Variants in NDUFAF2 observed in about 807,000 individuals in gnomAD.
NDUFAF2 encodes the protein NADH:ubiquinone oxidoreductase complex assembly factor 2, also known as NADH dehydrogenase [ubiquinone] 1 alpha subcomplex assembly factor 2.
A neutral mutation model predicts 22.8 loss-of-function variants in NDUFAF2; 13 were observed. The observed-to-expected ratio is 0.57, with a 90% confidence interval of 0.37 to 0.91. NDUFAF2 has a LOEUF of 0.91. Ranked by LOEUF, NDUFAF2 falls within the 40% of genes least tolerant of loss-of-function variation. The probability of loss-of-function intolerance (pLI) is 0.01; values close to 1 mark genes in which losing one functional copy is unlikely to be tolerated. For missense variants in NDUFAF2, 162 were observed against 195.2 expected, an observed-to-expected ratio of 0.83 and a Z score of 1.01; for synonymous variants, 53 against 64.2, an observed-to-expected ratio of 0.83 and a Z score of 0.84.
At chr5:61,102,797 AAAAG>A (rs1752718891) in intron 3 of NDUFAF2, among the ~76,000 whole-genome samples, 2 of 150,482 alleles carry the variant, frequency 1.3e-5, no homozygotes, top group African/African-American at 4.8e-5. Flanking sequence ...AGTGTTATAA[AAAAG>A]AAGCTAACAA....
intron 1 of NDUFAF2, among the ~76,000 whole-genome samples, chr5:60,983,433 T>G (rs1432940161): frequency 1.5e-5 from 2 of 130,036 alleles, no homozygotes; most frequent in African/African-American, 5.7e-5. Flanking sequence ...TTTTGGCTTT[T>G]GTTGCCATTG....
chr5:61,022,297 C>A (rs866057515), intron 1 of NDUFAF2, among the ~76,000 whole-genome samples: 1 of 152,262 alleles, frequency 6.6e-6, no homozygotes, highest in African/African-American at 2.4e-5. Context: ...TTTCTCGTAA[C>A]ATATTCTTGC....
intron 1 of NDUFAF2, among the ~76,000 whole-genome samples, chr5:60,994,106 G>A (rs939709498): frequency 6.6e-6 from 1 of 152,222 alleles, no homozygotes; most frequent in Non-Finnish European, 1.5e-5. Flanking sequence ...GGCTGAGGTG[G>A]CGGGGGCTGG....
chr5:61,034,220 T>G (rs141240413), intron 1 of NDUFAF2, among the ~76,000 whole-genome samples: 1 of 152,306 alleles, frequency 6.6e-6, no homozygotes, highest in Non-Finnish European at 1.5e-5. Flanking sequence ...GCAATCTTGA[T>G]GAGCAGGAGA....
At chr5:61,121,217 A>G (rs976328339) in intron 3 of NDUFAF2, among the ~76,000 whole-genome samples, 2 of 152,166 alleles carry the variant, frequency 1.3e-5, no homozygotes, top group African/African-American at 2.4e-5. Flanking sequence ...TATTTTTCTT[A>G]TATACACATG....
At chr5:61,121,291 C>T (rs77691613) in intron 3 of NDUFAF2, among the ~76,000 whole-genome samples, 12,390 of 152,090 alleles carry the variant, frequency 0.081, 549 homozygotes, top group Middle Eastern at 0.092. Flanking sequence ...TCTGGTGTCA[C>T]CATGATACAT....
chr5:61,051,440 T>G (rs1387272582), intron 1 of NDUFAF2, among the ~76,000 whole-genome samples: 1 of 152,208 alleles, frequency 6.6e-6, no homozygotes, highest in African/African-American at 2.4e-5. Context: ...TGCTGAGAAT[T>G]GTATATAGCA....
chr5:61,105,901 G>A (rs1752757316), intron 3 of NDUFAF2, among the ~76,000 whole-genome samples: 1 of 151,404 alleles, frequency 6.6e-6, no homozygotes, highest in Non-Finnish European at 1.5e-5. Context: ...GTGAAACTGA[G>A]AAGAATGAAT....
chr5:61,026,253 G>A (rs1405529288), intron 1 of NDUFAF2, among the ~76,000 whole-genome samples: 3 of 151,924 alleles, frequency 2.0e-5, no homozygotes, highest in African/African-American at 7.3e-5. Context: ...CAGGGGAGGA[G>A]GGGGGAGAAA....
intron 3 of NDUFAF2, among the ~76,000 whole-genome samples, chr5:61,129,031 A>G (rs547950986): frequency 6.6e-6 from 1 of 152,234 alleles, no homozygotes; most frequent in Non-Finnish European, 1.5e-5. Context: ...TGCAGCCAAC[A>G]GACACATGAA....
chr5:61,092,032 T>A (rs1276080848), intron 2 of NDUFAF2, among the ~76,000 whole-genome samples: 27 of 152,190 alleles, frequency 1.8e-4, no homozygotes, highest in Admixed American at 1.8e-3. Context: ...GGACTCTCTA[T>A]TCTGTTTCAT....
intron 3 of NDUFAF2, among the ~76,000 whole-genome samples, chr5:61,109,267 A>G (rs1363205440): frequency 6.6e-6 from 1 of 152,212 alleles, no homozygotes; most frequent in Admixed American, 6.6e-5. Context: ...CTGGTGGCAT[A>G]TAGAAATGCT....
chr5:60,984,531 G>A (rs1293459641), intron 1 of NDUFAF2, among the ~76,000 whole-genome samples: 1 of 152,074 alleles, frequency 6.6e-6, no homozygotes, highest in African/African-American at 2.4e-5. Flanking sequence ...ATTGGCTGTG[G>A]GTGTGTCATA....
At chr5:61,003,816 C>T (rs564906141) in intron 1 of NDUFAF2, among the ~76,000 whole-genome samples, 8 of 151,640 alleles carry the variant, frequency 5.3e-5, no homozygotes, top group Admixed American at 1.3e-4. Context: ...TGCCACCATG[C>T]CTGGCTATTT....
intron 1 of NDUFAF2, among the ~76,000 whole-genome samples, chr5:60,987,979 C>G (rs2112583448): frequency 6.6e-6 from 1 of 152,268 alleles, no homozygotes; most frequent in Middle Eastern, 3.4e-3. Flanking sequence ...AAGAGGAAGT[C>G]AGACTATCCG....
At chr5:61,068,150 C>T (rs976784342) in intron 1 of NDUFAF2, among the ~76,000 whole-genome samples, 17 of 151,994 alleles carry the variant, frequency 1.1e-4, no homozygotes, top group African/African-American at 4.1e-4. Flanking sequence ...TTCTTCCTCC[C>T]GGATCTTGAA....
chr5:61,045,428 T>C (rs771724115), intron 1 of NDUFAF2, among the ~76,000 whole-genome samples: 1 of 151,478 alleles, frequency 6.6e-6, no homozygotes, highest in Non-Finnish European at 1.5e-5. Flanking sequence ...AATTTATTCC[T>C]AAGTATTTTT....
At chr5:61,008,683 C>G (rs994265675) in intron 1 of NDUFAF2, among the ~76,000 whole-genome samples, 2 of 151,984 alleles carry the variant, frequency 1.3e-5, no homozygotes, top group Admixed American at 6.6e-5. Flanking sequence ...TTTCATCAAC[C>G]ATTTGTGGCA....
intron 3 of NDUFAF2, among the ~76,000 whole-genome samples, chr5:61,148,652 A>C (rs1414933946): frequency 6.6e-6 from 1 of 152,236 alleles, no homozygotes; most frequent in Non-Finnish European, 1.5e-5. Flanking sequence ...AATAATATTC[A>C]TAGAGTCACA....
Sources: gnomAD v4.1 joint callset for allele counts (sites outside exome capture counted in the v4.1 genomes callset) on GRCh38, gnomAD v4.1.1 for gene constraint, MANE v1.5 for transcripts, NCBI Gene and HGNC (gene_info 2026-07-23, HGNC 2026-07-21) for gene names.